MRTFA: variants seen among roughly 807,000 people sequenced by gnomAD.
MRTFA encodes myocardin-related transcription factor A.
MRTFA carries 20 observed loss-of-function variants against 83.5 expected under a neutral mutation model. That is an observed-to-expected ratio of 0.24 (90% CI 0.17 to 0.35). The LOEUF (loss-of-function observed/expected upper bound fraction) is 0.35. MRTFA is among the 10% of genes least tolerant of loss of function. MRTFA has a pLI of 1.00. For missense variants in MRTFA, 1,200 were observed against 1,224.7 expected (o/e 0.98, Z 0.30); for synonymous variants, 659 against 541.2 (o/e 1.22, Z -3.02).
At chr22:40,622,895 A>G (rs1246434659) in intron 1 of MRTFA, among the ~76,000 whole-genome samples, 1 of 152,228 alleles carries the variant, frequency 6.6e-6, no homozygotes. Flanking sequence ...TATGGTGGAG[A>G]TGATTAAGAA....
chr22:40,588,421 G>T (rs886080123), intron 2 of MRTFA, among the ~76,000 whole-genome samples: 1 of 152,136 alleles, frequency 6.6e-6, no homozygotes, highest in African/African-American at 2.4e-5. Context: ...GGCATTTTGG[G>T]TGAACAATTC....
At chr22:40,465,721 C>T (rs1436271913) in intron 3 of MRTFA, among the ~76,000 whole-genome samples, 3 of 150,762 alleles carry the variant, frequency 2.0e-5, no homozygotes, top group South Asian at 2.1e-4. Flanking sequence ...ACACCATGCC[C>T]GGTAATTTTT....
chr22:40,634,481 T>G (rs1485535201), intron 1 of MRTFA, among the ~76,000 whole-genome samples: 1 of 152,218 alleles, frequency 6.6e-6, no homozygotes, highest in Admixed American at 6.5e-5. Context: ...CCATTTTCTT[T>G]GAAGCCTTCC....
intron 3 of MRTFA, among the ~76,000 whole-genome samples, chr22:40,538,989 TG>T (rs66648324): frequency 0.023 from 2,990 of 131,122 alleles, 412 homozygotes; most frequent in African/African-American, 0.058. Context: ...CACAGCCTTT[TG>T]TTTTTTTTTT....
intron 1 of MRTFA, among the ~76,000 whole-genome samples, chr22:40,611,537 G>A (rs990520936): frequency 3.3e-5 from 5 of 152,042 alleles, no homozygotes; most frequent in Admixed American, 1.3e-4. Context: ...GAGCCACTGC[G>A]CCCTGCCCAA....
chr22:40,519,743 G>T, intron 3 of MRTFA: 1 of 493,364 alleles, frequency 2.0e-6, no homozygotes, highest in Non-Finnish European at 3.2e-6. Context: ...TAGTACAAAC[G>T]CCTAAGAGCA....
At chr22:40,511,515 G>A (rs1221684629) in intron 3 of MRTFA, among the ~76,000 whole-genome samples, 1 of 152,160 alleles carries the variant, frequency 6.6e-6, no homozygotes, top group Admixed American at 6.5e-5. Flanking sequence ...TTCCTATTTG[G>A]AGGAAATTCT....
chr22:40,514,006 C>T (rs1243127049), intron 3 of MRTFA, among the ~76,000 whole-genome samples: 2 of 151,844 alleles, frequency 1.3e-5, no homozygotes, highest in Admixed American at 6.6e-5. Flanking sequence ...AATCCCAACA[C>T]TTTGGGAGGC....
At position 40,413,735 on chromosome 22, in the gene MRTFA, G is replaced by A. The variant is rs1173819442; in HGVS notation, c.2579-1828C>T. Among the ~76,000 whole-genome samples, 6 of 152,034 alleles carry A rather than the reference G, an allele frequency of 3.9e-5. No homozygotes were observed. The East Asian group carries it at 5.8e-4, about 15-fold the overall frequency. ...TGGGATTACAGGCGTGAGCTACCAC[G>A]CCCAGCCGATTTATCACAATTTTTA... On this transcript the variant is annotated intron_variant, in intron 14 of 14. Coordinates refer to ENST00000355630, the MANE Select transcript of MRTFA (RefSeq NM_020831.6).
At position 40,420,946 on chromosome 22, in the gene MRTFA, T is replaced by C; in HGVS notation, c.1082A>G (p.Lys361Arg). 1.9e-6 allele frequency: 3 copies of C among 1,614,148 alleles called. No homozygotes were observed. The highest frequency in any genetic ancestry group is 2.7e-5 in the African/African-American group (2 of 75,076). Residue 361 changes from lysine to arginine, a missense_variant, in exon 10 of 15, where the codon AAG (lysine) becomes AGG (arginine). Physicochemically the swap from Lys to Arg is conservative, Grantham distance 26 (BLOSUM62 2). Transcript: ENST00000355630. The stretch of plus-strand genomic sequence containing the variant: ...GAAGAGCTGCTGCTGCTGCAGGATC[T>C]TGGCGTAGGATGAGTCCATGGGGGG...
intron 4 of MRTFA, 103 bp from the exon 5 acceptor site, chr22:40,435,657 G>A: frequency 7.5e-7 from 1 of 1,329,010 alleles, no homozygotes; most frequent in Middle Eastern, 1.9e-4. Context: ...TACTGGCTGG[G>A]CGTGGTGGCT....
intron 4 of MRTFA, among the ~76,000 whole-genome samples, chr22:40,458,675 T>C (rs961420479): frequency 6.6e-6 from 1 of 151,928 alleles, no homozygotes; most frequent in Non-Finnish European, 1.5e-5. Flanking sequence ...CAACCAGAAA[T>C]GATGAGACAA....
chr22:40,532,139 A>C (rs750749804), intron 3 of MRTFA, among the ~76,000 whole-genome samples: 4 of 152,266 alleles, frequency 2.6e-5, no homozygotes, highest in Non-Finnish European at 4.4e-5. Context: ...AACAGCTCTT[A>C]GCAAGCAAGA....
chr22:40,411,518 AGTCCATGCT>A lies in MRTFA; in HGVS notation c.2959_2967del (p.Ser987_Asp989del). On this transcript the variant is annotated inframe_deletion, in exon 15 of 15. Coordinates refer to ENST00000355630, the MANE Select transcript of MRTFA (RefSeq NM_020831.6). Reference sequence around the variant, plus strand: ...GGACCACCTGACGACAGCTCCAGCCAGTCCATGCTGTCCAGGTGGCCATCAGCCAGGTCC... The same window carrying A: ...GGACCACCTGACGACAGCTCCAGCCAGTCCAGGTGGCCATCAGCCAGGTCC... 1.2e-6 allele frequency: 2 copies of A among 1,612,962 alleles called. No homozygotes were observed. The highest frequency in any genetic ancestry group is 1.7e-6 in the Non-Finnish European group (2 of 1,179,172).
chr22:40,610,107 C>T (rs1483875980), intron 1 of MRTFA, among the ~76,000 whole-genome samples: 3 of 140,020 alleles, frequency 2.1e-5, no homozygotes, highest in South Asian at 2.2e-4. Context: ...AGGGCAGTGG[C>T]GTGATCTCAG....
intron 1 of MRTFA, among the ~76,000 whole-genome samples, chr22:40,631,071 C>T (rs1461122811): frequency 6.6e-6 from 1 of 152,184 alleles, no homozygotes; most frequent in Admixed American, 6.5e-5. Context: ...TTAATGGCAA[C>T]TTGTGCACCT....
At position 40,617,596 on chromosome 22, in the gene MRTFA, G is replaced by A. The variant is rs547160582; in HGVS notation, c.-84+18882C>T. 5.0e-3 allele frequency among the ~76,000 whole-genome samples: 762 copies of A among 151,818 alleles called. 5 individuals carry two copies. The highest frequency in any genetic ancestry group is 0.018 in the African/African-American group (730 of 41,440). Reference sequence around the variant, plus strand: ...CAAAAAATTAGCCAGGCGTGGTGGCGGGCGCCTGTAGTCCCAGCTACTCGG... The same window carrying A: ...CAAAAAATTAGCCAGGCGTGGTGGCAGGCGCCTGTAGTCCCAGCTACTCGG... On this transcript the variant is annotated intron_variant, in intron 1 of 14. Coordinates refer to ENST00000355630, the MANE Select transcript of MRTFA (RefSeq NM_020831.6).
rs748254446 is a variant in MRTFA, at chr22:40,617,141, AGAAG to A, written c.-84+19333_-84+19336del. Among the ~76,000 whole-genome samples the A allele has an allele frequency of 1.3e-4, 16 of 121,352 alleles. 1 individual carries two copies. Among genetic ancestry groups the A allele is most frequent in the Non-Finnish European group, 1.7e-4 (10 of 57,826 alleles). 79.6% of individuals were successfully genotyped at this position (121,352 alleles called of 152,430 possible). A position where few individuals can be genotyped will look rare whatever the true frequency, so the allele number is the denominator to read the frequency against. On this transcript the variant is annotated intron_variant, in intron 1 of 14. Transcript: ENST00000355630. ...AAGACGAAAGAAAGAGAGAGACGAG[AGAAG>A]GAAGGAAGGAAGGAAGGAGGGAAGG...
chr22:40,519,311 C>T (rs1176003545), intron 3 of MRTFA, among the ~76,000 whole-genome samples: 4 of 152,098 alleles, frequency 2.6e-5, no homozygotes, highest in Non-Finnish European at 4.4e-5. Context: ...CTCAGGGCCA[C>T]CTATAGAGAT....
Sources: allele counts gnomAD v4.1 joint callset (sites outside exome capture counted in the v4.1 genomes callset), GRCh38; gene constraint gnomAD v4.1.1; transcripts MANE v1.5; gene names NCBI Gene and HGNC (gene_info 2026-07-23, HGNC 2026-07-21).